The following PGM2L1 variants were observed in gnomAD, a reference collection of about 807,000 sequenced individuals.
PGM2L1 encodes the protein phosphoglucomutase 2 like 1.
PGM2L1 carries 35 observed loss-of-function variants against 73.4 expected under a neutral mutation model. The ratio of observed to expected loss-of-function variants is 0.48; its 90% CI spans 0.36 to 0.63. PGM2L1 has a LOEUF of 0.63. PGM2L1 is among the 30% of genes least tolerant of loss of function. PGM2L1 has a pLI of 0.00. For missense variants in PGM2L1, 570 were observed against 742.0 expected (o/e 0.77, Z 2.69); for synonymous variants, 225 against 253.8 (o/e 0.89, Z 1.08).
intron 4 of PGM2L1, 42 bp from the exon 5 acceptor site, chr11:74,368,617 C>A: frequency 6.7e-7 from 1 of 1,484,466 alleles, no homozygotes; most frequent in Non-Finnish European, 9.4e-7. Context: ...TGCTTCCTAG[C>A]TATTTACACA....
At chr11:74,341,529 T>G (rs1862181609) in intron 12 of PGM2L1, among the ~76,000 whole-genome samples, 1 of 151,826 alleles carries the variant, frequency 6.6e-6, no homozygotes, top group African/African-American at 2.4e-5. Context: ...CTGTCTCTAC[T>G]AAAAATACAA....
intron 12 of PGM2L1, among the ~76,000 whole-genome samples, chr11:74,341,755 T>C (rs1283589102): frequency 8.2e-6 from 1 of 122,218 alleles, no homozygotes; most frequent in East Asian, 2.4e-4. Flanking sequence ...TACAGGAAAA[T>C]GGCTGCTTCA....
At position 74,339,775 on chromosome 11, in the gene PGM2L1, G is replaced by C. The variant is rs1862156598; in HGVS notation, c.1633-1174C>G. On this transcript the variant is annotated intron_variant, in intron 12 of 13. Coordinates refer to ENST00000298198, the MANE Select transcript of PGM2L1 (RefSeq NM_173582.6). ...ACTCCAGTTATAGACAACTACCTGT[G>C]GTTCTCTGAAAGAGAATATGCTTTT... is the stretch of plus-strand genomic sequence containing the variant. Among the ~76,000 whole-genome samples, 4 of 152,096 alleles carry C rather than the reference G, an allele frequency of 2.6e-5. No individual in the cohort carries two copies. The South Asian group carries it at 8.3e-4, about 32-fold the overall frequency.
chr11:74,355,292 AC>A, intron 5 of PGM2L1: 2 of 853,446 alleles, frequency 2.3e-6, no homozygotes, highest in Non-Finnish European at 4.0e-6. Flanking sequence ...GGTGGCTCAC[AC>A]CTGTAATCCC....
In PGM2L1 at chr11:74,357,865, A is replaced by T. The variant is rs1410228004; in HGVS notation, c.556-6289T>A. On this transcript the variant is annotated intron_variant, in intron 5 of 13. Coordinates refer to ENST00000298198, the MANE Select transcript of PGM2L1 (RefSeq NM_173582.6). ...TTCTGTGCTAAAAAAGAAATGAGCT[A>T]TCCAGCCATGAAAAGACATGGAGGG... Among the ~76,000 whole-genome samples, 3 of 152,226 alleles carry T rather than the reference A, an allele frequency of 2.0e-5. No individual in the cohort carries two copies. The South Asian group carries it at 6.2e-4, about 32-fold the overall frequency.
chr11:74,336,798 G>C, intron 13 of PGM2L1, 44 bp from the exon 14 acceptor site: 1 of 1,347,458 alleles, frequency 7.4e-7, no homozygotes, highest in Non-Finnish European at 1.0e-6. Flanking sequence ...ATTTTCATAG[G>C]CTTAAAATTT....
chr11:74,337,288 A>G (rs1038110601), intron 13 of PGM2L1, among the ~76,000 whole-genome samples: 24 of 152,390 alleles, frequency 1.6e-4, no homozygotes, highest in African/African-American at 5.5e-4. Flanking sequence ...AACTGCCTTT[A>G]CAGTCATTTT....
At chr11:74,345,977 C>T (rs1306109420) in intron 8 of PGM2L1, among the ~76,000 whole-genome samples, 1 of 151,816 alleles carries the variant, frequency 6.6e-6, no homozygotes, top group Non-Finnish European at 1.5e-5. Context: ...GCCCAGAGGA[C>T]TAAGATTAGG....
At chr11:74,355,851 A>G (rs925167130) in intron 5 of PGM2L1, 6 of 431,470 alleles carry the variant, frequency 1.4e-5, no homozygotes, top group Admixed American at 2.5e-5. Flanking sequence ...GCGACAAGAC[A>G]TATTTTAGAC....
intron 9 of PGM2L1, among the ~76,000 whole-genome samples, chr11:74,343,769 CTTTTTTTT>C (rs56938172): frequency 5.1e-5 from 4 of 79,116 alleles, no homozygotes; most frequent in East Asian, 4.3e-4. Context: ...TTTACATTAT[CTTTTTTTT>C]TTTTTTTTTT....
chr11:74,377,944 C>T lies in PGM2L1; in HGVS notation c.112-3362G>A, dbSNP rs189255374. ...GATTACTTGGGGGTAGAAGCCTAGT[C>T]AGGAAAAAAAAAAAAGAGGAGGAAG... On this transcript the variant is annotated intron_variant, in intron 1 of 13. Coordinates refer to ENST00000298198, the MANE Select transcript of PGM2L1 (RefSeq NM_173582.6). Among the ~76,000 whole-genome samples, 248 of 148,486 alleles carry T rather than the reference C, an allele frequency of 1.7e-3. 1 individual carries two copies. The highest frequency in any genetic ancestry group is 1.3e-3 in the Non-Finnish European group (89 of 67,270).
chr11:74,380,923 C>T (rs1862933274), intron 1 of PGM2L1, among the ~76,000 whole-genome samples: 1 of 152,174 alleles, frequency 6.6e-6, no homozygotes, highest in South Asian at 2.1e-4. Flanking sequence ...AGAGAAAGAT[C>T]ACTGAACTAT....
At chr11:74,369,727 TTA>T (rs1231205605) in intron 4 of PGM2L1, among the ~76,000 whole-genome samples, 2 of 152,210 alleles carry the variant, frequency 1.3e-5, no homozygotes, top group Admixed American at 1.3e-4. Context: ...CAAGCTCTGT[TTA>T]TCTCCTGATA....
chr11:74,368,410 A>G (rs1353558898), intron 5 of PGM2L1, 82 bp downstream of exon 5: 5 of 1,239,708 alleles, frequency 4.0e-6, no homozygotes, highest in East Asian at 2.4e-5. Context: ...GCTCTCCAGT[A>G]TAGAAAACAT....
chr11:74,362,644 G>A (rs528775805), intron 5 of PGM2L1, among the ~76,000 whole-genome samples: 10 of 152,264 alleles, frequency 6.6e-5, no homozygotes, highest in Admixed American at 1.3e-4. Flanking sequence ...GTATTCAGGA[G>A]ACGCATCTCA....
chr11:74,368,332 T>G (rs547247314), intron 5 of PGM2L1, among the ~76,000 whole-genome samples, 160 bp downstream of exon 5: 7 of 152,226 alleles, frequency 4.6e-5, no homozygotes, highest in Non-Finnish European at 7.3e-5. Context: ...ATAAATACCA[T>G]TAGGGATACA....
At chr11:74,338,994 A>G (rs919661834) in intron 12 of PGM2L1, among the ~76,000 whole-genome samples, 1 of 152,238 alleles carries the variant, frequency 6.6e-6, no homozygotes, top group South Asian at 2.1e-4. Context: ...ATAATTCATA[A>G]ACATACCATT....
At chr11:74,346,270 C>CAAAAAAAAAAAAAAAAAAAAAAAA (rs751742460) in intron 8 of PGM2L1, among the ~76,000 whole-genome samples, 3 of 57,880 alleles carry the variant, frequency 5.2e-5, no homozygotes, top group Non-Finnish European at 9.1e-5. Context: ...ACTATGTCTC[C>CAAAAAAAAAAAAAAAAAAAAAAAA]AAAAAAAAAA....
chr11:74,347,121 T>A (rs570327411), intron 7 of PGM2L1, 27 bp downstream of exon 7: 3 of 1,446,742 alleles, frequency 2.1e-6, no homozygotes, highest in East Asian at 2.5e-5. Context: ...AATAAACTAA[T>A]AATAATTTAA....
Sources: allele counts gnomAD v4.1 joint callset (sites outside exome capture counted in the v4.1 genomes callset), GRCh38; gene constraint gnomAD v4.1.1; transcripts MANE v1.5; gene names NCBI Gene and HGNC (gene_info 2026-07-23, HGNC 2026-07-21).